Variants in TANC2 observed in about 807,000 individuals in gnomAD.
The protein encoded by TANC2 is tetratricopeptide repeat, ankyrin repeat and coiled-coil containing 2.
Under a neutral mutation model 210.5 loss-of-function variants are expected in TANC2, and 26 were observed. That is an observed-to-expected ratio of 0.12 (90% CI 0.09 to 0.17). TANC2 has a LOEUF of 0.17. Ranked by LOEUF, TANC2 falls within the 10% of genes least tolerant of loss-of-function variation. The pLI is 1.00. For synonymous variants in TANC2, 931 were observed against 967.1 expected (o/e 0.96, Z 0.69); for missense variants, 2,129 against 2,608.9 (o/e 0.82, Z 4.01).
intron 7 of TANC2, among the ~76,000 whole-genome samples, chr17:63,206,332 C>A (rs541854597): frequency 1.3e-5 from 2 of 152,104 alleles, no homozygotes; most frequent in South Asian, 4.1e-4. Context: ...CCATATGATC[C>A]GGCAATTTCT....
rs1489838646 is a variant in TANC2 at position 63,068,045 on chromosome 17, GA to G, written c.68-5893del. 4.6e-5 allele frequency among the ~76,000 whole-genome samples: 7 copies of G among 152,250 alleles called. No individual in the cohort carries two copies. The East Asian group carries it at 1.3e-3, about 29-fold the overall frequency. ...CAATCTGCTGAAGACTAAAGATGAA[GA>G]AAAAGTCTTGAAAGCAGCCCGAGAG... is the stretch of plus-strand genomic sequence containing the variant. On this transcript the variant is annotated intron_variant, in intron 2 of 27. Coordinates refer to ENST00000689528, the Ensembl canonical transcript of TANC2.
chr17:63,326,118 G>A (rs527926165), intron 11 of TANC2, among the ~76,000 whole-genome samples: 1 of 152,098 alleles, frequency 6.6e-6, no homozygotes, highest in Non-Finnish European at 1.5e-5. Flanking sequence ...AAACAACAGG[G>A]CTCTGACTAC....
chr17:62,983,471 G>A (rs184485428), intron 1 of TANC2, among the ~76,000 whole-genome samples: 4 of 151,746 alleles, frequency 2.6e-5, no homozygotes, highest in Non-Finnish European at 5.9e-5. Flanking sequence ...TCTTTTTCTT[G>A]CTTGATTGCT....
intron 2 of TANC2, among the ~76,000 whole-genome samples, chr17:63,010,597 A>G (rs968620465): frequency 1.3e-5 from 2 of 152,000 alleles, no homozygotes; most frequent in African/African-American, 4.8e-5. Context: ...TCTCAGTCCT[A>G]CAAGACTGCT....
intron 9 of TANC2, among the ~76,000 whole-genome samples, chr17:63,309,173 G>A (rs1315692893): frequency 2.0e-5 from 3 of 152,004 alleles, no homozygotes; most frequent in African/African-American, 4.8e-5. Context: ...ATGTGAGTGT[G>A]TGTATGTATG....
chr17:63,209,034 GTC>G (rs1180269628), intron 7 of TANC2, among the ~76,000 whole-genome samples: 1 of 151,196 alleles, frequency 6.6e-6, no homozygotes, highest in African/African-American at 2.4e-5. Context: ...TTGAGACAGA[GTC>G]TCTCTGTTTC....
intron 5 of TANC2, among the ~76,000 whole-genome samples, chr17:63,190,241 G>A (rs978337529): frequency 2.6e-5 from 4 of 152,174 alleles, no homozygotes; most frequent in Admixed American, 2.0e-4. Context: ...TCAGGAGGCT[G>A]AGGCAAGAGG....
At chr17:63,307,048 G>T (rs2044936508) in intron 9 of TANC2, among the ~76,000 whole-genome samples, 1 of 152,184 alleles carries the variant, frequency 6.6e-6, no homozygotes, top group Non-Finnish European at 1.5e-5. Context: ...AAACTGGAAG[G>T]CCAGAAGAGC....
intron 9 of TANC2, among the ~76,000 whole-genome samples, chr17:63,292,815 T>C (rs1380914060): frequency 1.3e-5 from 2 of 152,140 alleles, no homozygotes; most frequent in Non-Finnish European, 2.9e-5. Flanking sequence ...ATTAACTCAT[T>C]TTATCTCCAT....
chr17:63,061,905 CAT>C (rs1459196399), intron 2 of TANC2, among the ~76,000 whole-genome samples: 1 of 152,036 alleles, frequency 6.6e-6, no homozygotes, highest in African/African-American at 2.4e-5. Flanking sequence ...GTTTAGTCTT[CAT>C]TACTGAAATG....
At chr17:62,992,991 T>G (rs1174798854) in intron 1 of TANC2, among the ~76,000 whole-genome samples, 1 of 152,216 alleles carries the variant, frequency 6.6e-6, no homozygotes, top group Non-Finnish European at 1.5e-5. Flanking sequence ...TTTTCCAGCT[T>G]CTGGAGGCCA....
intron 9 of TANC2, among the ~76,000 whole-genome samples, chr17:63,298,546 T>C (rs1446244638): frequency 6.6e-6 from 1 of 152,156 alleles, no homozygotes; most frequent in Non-Finnish European, 1.5e-5. Context: ...GGAGAATAAC[T>C]CTTTAGTAAT....
chr17:63,150,157 A>T (rs2039597949), intron 4 of TANC2: 1 of 152,170 alleles, frequency 6.6e-6, no homozygotes, highest in Non-Finnish European at 1.5e-5. Flanking sequence ...ATGGATGAGG[A>T]CTTTGAAGAA....
intron 18 of TANC2, chr17:63,396,533 A>C (rs889745873): frequency 1.9e-5 from 3 of 154,276 alleles, no homozygotes; most frequent in Non-Finnish European, 2.9e-5. Flanking sequence ...TTAACAACCA[A>C]CTGTGAAGAG....
At chr17:63,052,650 C>G (rs970168529) in intron 2 of TANC2, among the ~76,000 whole-genome samples, 1 of 152,084 alleles carries the variant, frequency 6.6e-6, no homozygotes, top group Non-Finnish European at 1.5e-5. Flanking sequence ...GGTTTATTCC[C>G]TCTTGGTTTA....
intron 2 of TANC2, among the ~76,000 whole-genome samples, chr17:63,060,917 T>C (rs544448047): frequency 6.6e-6 from 1 of 152,238 alleles, no homozygotes; most frequent in South Asian, 2.1e-4. Flanking sequence ...TCTTTATAAA[T>C]CATGTTTTGG....
intron 4 of TANC2, among the ~76,000 whole-genome samples, chr17:63,143,271 A>G (rs1011454319): frequency 5.9e-5 from 9 of 152,214 alleles, no homozygotes; most frequent in African/African-American, 2.2e-4. Flanking sequence ...CTCTCAGATG[A>G]TTATGCTAAT....
At chr17:63,287,849 T>A (rs778939341) in intron 9 of TANC2, among the ~76,000 whole-genome samples, 2 of 152,088 alleles carry the variant, frequency 1.3e-5, no homozygotes, top group Non-Finnish European at 2.9e-5. Flanking sequence ...TAAGTTTTTG[T>A]ATTTTTAGTA....
At chr17:63,159,751 AC>A (rs972777206) in intron 5 of TANC2, among the ~76,000 whole-genome samples, 29 of 152,364 alleles carry the variant, frequency 1.9e-4, no homozygotes, top group African/African-American at 7.0e-4. Context: ...CATTTTGTAT[AC>A]AAGGAGCTTG....
Sources: allele counts gnomAD v4.1 joint callset (sites outside exome capture counted in the v4.1 genomes callset), GRCh38; gene constraint gnomAD v4.1.1; transcripts MANE v1.5; gene names NCBI Gene and HGNC (gene_info 2026-07-23, HGNC 2026-07-21).